Variants in TMEM184C observed in about 807,000 individuals in gnomAD.
The protein encoded by TMEM184C is transmembrane protein 34.
Under a neutral mutation model 54.5 loss-of-function variants are expected in TMEM184C, and 25 were observed. The ratio of observed to expected loss-of-function variants is 0.46; its 90% CI spans 0.33 to 0.64. The LOEUF is 0.64. Among genes scored for constraint, TMEM184C ranks in the 30% least tolerant of loss-of-function variants. The pLI, the probability that TMEM184C is intolerant of heterozygous loss-of-function variation, is 0.02. For missense variants in TMEM184C, 335 were observed against 520.3 expected (o/e 0.64, Z 3.46); for synonymous variants, 148 against 181.5 (o/e 0.82, Z 1.49).
chr4:147,619,955 T>TGACACCACTCCCACCTGATCC (rs1170593246), intron 1 of TMEM184C, among the ~76,000 whole-genome samples: 4 of 152,216 alleles, frequency 2.6e-5, no homozygotes, highest in African/African-American at 9.7e-5. Flanking sequence ...CAACATGATC[T>TGACACCACTCCCACCTGATCC]GACACCACTC....
In TMEM184C at chr4:147,628,214, G is replaced by T. The variant is rs186848564; in HGVS notation, c.498-147G>T. The T allele has an allele frequency of 6.9e-4, 435 of 634,798 alleles. 7 individuals carry two copies. In the East Asian group the frequency reaches 0.011, roughly 16 times the overall value. 39.3% of individuals were successfully genotyped at this position (634,798 alleles called of 1,614,324 possible). ...TGTTTCCTGCCATCCACATTCTTCTGCCACTGCTATTAAGGATGACTACAT... is the reference window on the plus strand; with the variant it reads ...TGTTTCCTGCCATCCACATTCTTCTTCCACTGCTATTAAGGATGACTACAT... On this transcript the variant is annotated intron_variant, in intron 4 of 9. Transcript: ENST00000296582.
intron 1 of TMEM184C, among the ~76,000 whole-genome samples, chr4:147,619,414 T>C (rs1035376545): frequency 2.0e-4 from 31 of 151,884 alleles, no homozygotes; most frequent in African/African-American, 7.0e-4. Context: ...GCCAGGCTGG[T>C]CTCAACTCCT....
chr4:147,629,790 T>G, intron 6 of TMEM184C, 98 bp downstream of exon 6: 1 of 684,244 alleles, frequency 1.5e-6, no homozygotes, highest in East Asian at 3.3e-5. Context: ...GCTTGCTTCT[T>G]TTTAATCTTC....
At chr4:147,626,227 A>G (rs1732813245) in intron 4 of TMEM184C, among the ~76,000 whole-genome samples, 1 of 152,196 alleles carries the variant, frequency 6.6e-6, no homozygotes, top group East Asian at 1.9e-4. Flanking sequence ...TTAGTCCTAC[A>G]AAGGCAATCT....
In TMEM184C at chr4:147,634,287, G is replaced by A; in HGVS notation, c.1170G>A (p.Met390Ile). Residue 390 changes from methionine (M) to isoleucine (I), a missense_variant, in exon 10 of 10, where the codon ATG becomes ATA. Met to Ile is a conservative substitution (Grantham distance 10). Coordinates refer to ENST00000296582, the MANE Select transcript of TMEM184C (RefSeq NM_018241.3). ...SQDAISIASS[M>I]PPSPMGHYQG... The stretch of plus-strand genomic sequence containing the variant: ...ATGCAATTTCCATTGCTTCTTCTAT[G>A]CCACCTTCACCCATGGGTCACTACC... 6.2e-7 allele frequency: 1 copy of A among 1,614,064 alleles called. No individual in the cohort carries two copies. The highest frequency in any genetic ancestry group is 2.2e-5 in the East Asian group (1 of 44,882).
At chr4:147,619,197 T>C (rs1043197301) in intron 1 of TMEM184C, among the ~76,000 whole-genome samples, 2 of 150,622 alleles carry the variant, frequency 1.3e-5, no homozygotes, top group African/African-American at 4.9e-5. Flanking sequence ...TTGTTGTTTA[T>C]TTTTATTTAT....
rs377203546 is a variant in TMEM184C, at chr4:147,629,076, T to G, written c.573-523T>G. ...GCTAGCAATTATTTAGCCATTTAAT[T>G]ATGAAGGCATGCTTTATTTCCCTGC... On this transcript the variant is annotated intron_variant, in intron 5 of 9. Coordinates refer to ENST00000296582, the MANE Select transcript of TMEM184C (RefSeq NM_018241.3). Among the ~76,000 whole-genome samples the G allele has an allele frequency of 1.4e-4, 21 of 152,254 alleles. No individual in the cohort carries two copies. The East Asian group carries it at 2.7e-3, about 20-fold the overall frequency.
chr4:147,625,696 G>A (rs1362497430), intron 4 of TMEM184C, among the ~76,000 whole-genome samples: 1 of 152,122 alleles, frequency 6.6e-6, no homozygotes, highest in Non-Finnish European at 1.5e-5. Context: ...GGATGAGATT[G>A]GAATAGAAAA....
Position 147,618,089 on chromosome 4 carries a change from T to G in TMEM184C, c.123+10T>G. 1 of 1,613,826 alleles carries G rather than the reference T, an allele frequency of 6.2e-7. No individual in the cohort carries two copies. Among genetic ancestry groups the G allele is most frequent in the Middle Eastern group, 1.6e-4 (1 of 6,062 alleles). On this transcript the variant is annotated intron_variant, in intron 1 of 9. Transcript: ENST00000296582. ...ATTACAGAAACTGGAGGTAAGAGGG[T>G]TCTGCACCATCAGCCTGTACACTTT...
chr4:147,629,464 TTC>T (rs1166659244), intron 5 of TMEM184C, 133 bp from the exon 6 acceptor site: 7 of 604,608 alleles, frequency 1.2e-5, no homozygotes, highest in South Asian at 2.3e-5. Flanking sequence ...GACTTCTAAA[TTC>T]TCTGTGTCCA....
Position 147,623,881 on chromosome 4 carries a change from G to T in TMEM184C, c.171G>T (p.Leu57=). The change falls in exon 2 of 10, where the codon CTG becomes CTT. Residue 57 remains leucine, a synonymous_variant. Transcript: ENST00000296582. ...GGTTTATTGCTGGAATCTTTTTGCTGTTGACTATTCCTATATCACTGTGGG... is the reference window on the plus strand; with the variant it reads ...GGTTTATTGCTGGAATCTTTTTGCTTTTGACTATTCCTATATCACTGTGGG... The part of the protein sequence containing the change: ...KAWFIAGIFL[L]LTIPISLWVI... 1 of 1,613,946 alleles carries T rather than the reference G, an allele frequency of 6.2e-7. No homozygotes were observed. Among genetic ancestry groups the T allele is most frequent in the Non-Finnish European group, 8.5e-7 (1 of 1,179,944 alleles).
chr4:147,628,750 A>G (rs1448000377), intron 5 of TMEM184C, among the ~76,000 whole-genome samples: 1 of 152,186 alleles, frequency 6.6e-6, no homozygotes, highest in Non-Finnish European at 1.5e-5. Context: ...AAGTTAAAGT[A>G]TGCTACTTTA....
chr4:147,633,823 C>T lies in TMEM184C; in HGVS notation c.938C>T (p.Ser313Leu). 3.1e-6 allele frequency: 5 copies of T among 1,613,674 alleles called. No homozygotes were observed. Among genetic ancestry groups the T allele is most frequent in the Non-Finnish European group, 4.2e-6 (5 of 1,179,928 alleles). Residue 313 changes from serine (S) to leucine (L), a missense_variant, in exon 9 of 10, where the codon TCA becomes TTA. Ser to Leu is a moderately radical substitution (Grantham distance 145). Coordinates refer to ENST00000296582, the MANE Select transcript of TMEM184C (RefSeq NM_018241.3). ...LAAIAHHYTF[S>L]YKPYVQEAEE... ...GCCATTGCTCATCATTACACATTCT[C>T]ATATAAACCATATGTCCAAGAAGCA...
chr4:147,624,683 A>G lies in TMEM184C; in HGVS notation c.292-121A>G, dbSNP rs927999458. 4.8e-6 allele frequency: 4 copies of G among 831,980 alleles called. No homozygotes were observed. The Admixed American group carries it at 1.1e-4, about 22-fold the overall frequency. The allele number at this position is 831,980 out of a possible 1,614,324, so 51.5% of individuals were successfully genotyped here. On this transcript the variant is annotated intron_variant, in intron 3 of 9. Coordinates refer to ENST00000296582, the MANE Select transcript of TMEM184C (RefSeq NM_018241.3). The stretch of plus-strand genomic sequence containing the variant: ...ATAATGATAAATTTTAGAGAGTCCC[A>G]TGTAAGTATATGACAAGACATCTCA...
intron 4 of TMEM184C, among the ~76,000 whole-genome samples, chr4:147,625,729 C>A (rs1732802815): frequency 6.6e-6 from 1 of 152,156 alleles, no homozygotes; most frequent in Non-Finnish European, 1.5e-5. Context: ...GAGAATGCAA[C>A]TGAAAAATCA....
chr4:147,631,544 A>G, intron 7 of TMEM184C, 39 bp downstream of exon 7: 1 of 1,493,238 alleles, frequency 6.7e-7, no homozygotes, highest in South Asian at 1.2e-5. Flanking sequence ...CATTTTTTTA[A>G]GGGCAGTAAA....
chr4:147,630,097 T>TA (rs1198105920), intron 6 of TMEM184C, among the ~76,000 whole-genome samples: 1 of 151,856 alleles, frequency 6.6e-6, no homozygotes, highest in Admixed American at 6.6e-5. Flanking sequence ...AGGGTTTGAA[T>TA]AAAAATGTGA....
intron 1 of TMEM184C, among the ~76,000 whole-genome samples, chr4:147,622,226 AGCCACCGC>A: frequency 6.6e-6 from 1 of 152,148 alleles, no homozygotes; most frequent in East Asian, 1.9e-4. Flanking sequence ...TACAGGCATG[AGCCACCGC>A]GCCTGGCCGC....
chr4:147,633,972 G>A, intron 9 of TMEM184C, 36 bp downstream of exon 9: 1 of 1,584,434 alleles, frequency 6.3e-7, no homozygotes, highest in Non-Finnish European at 8.6e-7. Flanking sequence ...CAAATAGGTT[G>A]GGTAGGATAT....
Sources: allele counts gnomAD v4.1 joint callset (sites outside exome capture counted in the v4.1 genomes callset), GRCh38; gene constraint gnomAD v4.1.1; transcripts MANE v1.5; gene names NCBI Gene and HGNC (gene_info 2026-07-23, HGNC 2026-07-21).